Variants in GPHN observed in about 807,000 individuals in gnomAD.
The protein encoded by GPHN is gephyrin.
In GPHN, 17 loss-of-function variants were observed where a neutral mutation model predicts 95.5. The observed-to-expected ratio is 0.18, with a 90% CI of 0.12 to 0.27. GPHN has a LOEUF of 0.27. GPHN is among the 10% of genes least tolerant of loss of function. The pLI is 1.00. For synonymous variants in GPHN, 320 were observed against 322.5 expected, an observed-to-expected ratio of 0.99 and a Z score of 0.08; for missense variants, 660 against 978.1, an observed-to-expected ratio of 0.67 and a Z score of 4.34.
intron 2 of GPHN, among the ~76,000 whole-genome samples, chr14:66,744,759 C>T (rs1229820271): frequency 6.6e-6 from 1 of 152,124 alleles, no homozygotes; most frequent in South Asian, 2.1e-4. Flanking sequence ...CTGGATTGGA[C>T]TCTGTGTAGA....
intron 18 of GPHN, among the ~76,000 whole-genome samples, chr14:67,149,850 C>A (rs1320706082): frequency 6.6e-6 from 1 of 152,182 alleles, no homozygotes; most frequent in African/African-American, 2.4e-5. Context: ...TGAATCAACA[C>A]ATTCATTAAC....
intron 4 of GPHN, among the ~76,000 whole-genome samples, chr14:66,878,566 A>G (rs529486371): frequency 7.4e-4 from 113 of 152,348 alleles, no homozygotes; most frequent in Non-Finnish European, 1.3e-3. Context: ...ATGAACAGAC[A>G]CTTCTCAAAA....
At chr14:66,727,568 G>T (rs777061572) in intron 2 of GPHN, among the ~76,000 whole-genome samples, 1 of 152,220 alleles carries the variant, frequency 6.6e-6, no homozygotes. Flanking sequence ...TGAAGTACTT[G>T]TTGGGAACTG....
At chr14:67,284,429 TA>T in the GPHN span, among the ~76,000 whole-genome samples, 168 of 92,648 alleles carry the variant, frequency 1.8e-3, 1 homozygote, top group Middle Eastern at 4.5e-3. Context: ...CCCTATCTCT[TA>T]AAAAAAAAAA....
the GPHN span, among the ~76,000 whole-genome samples, chr14:67,257,081 G>C: frequency 6.6e-6 from 1 of 152,028 alleles, no homozygotes; most frequent in Non-Finnish European, 1.5e-5. Flanking sequence ...CCGGTAAGAC[G>C]GAACAACTTG....
chr14:67,733,133 TAAAAAAAACAA>T, the GPHN span, among the ~76,000 whole-genome samples: 2 of 150,852 alleles, frequency 1.3e-5, no homozygotes, highest in Admixed American at 1.3e-4. Flanking sequence ...ATAATAAAAT[TAAAAAAAACAA>T]AAAAAAACAT....
At chr14:66,919,542 A>G (rs986922561) in intron 6 of GPHN, among the ~76,000 whole-genome samples, 1 of 152,198 alleles carries the variant, frequency 6.6e-6, no homozygotes, top group Non-Finnish European at 1.5e-5. Context: ...CTCCCTCCCC[A>G]TAAATTCAAG....
intron 1 of GPHN, among the ~76,000 whole-genome samples, chr14:66,616,536 G>C (rs559262637): frequency 6.6e-6 from 1 of 151,936 alleles, no homozygotes; most frequent in Non-Finnish European, 1.5e-5. Context: ...TTGCTCCCGT[G>C]CCTGGAGATG....
intron 1 of GPHN, among the ~76,000 whole-genome samples, chr14:66,613,463 G>A (rs913525601): frequency 4.6e-5 from 7 of 151,968 alleles, no homozygotes; most frequent in Non-Finnish European, 1.0e-4. Context: ...TGAAAAGGAC[G>A]CTTGTTTACA....
chr14:67,438,927 T>C, the GPHN span, among the ~76,000 whole-genome samples: 1 of 149,238 alleles, frequency 6.7e-6, no homozygotes, highest in Non-Finnish European at 1.5e-5. Flanking sequence ...AGGGTCAAGA[T>C]ACACGGCAGC....
chr14:67,581,791 A>G, the GPHN span: 16 of 382,868 alleles, frequency 4.2e-5, no homozygotes, highest in East Asian at 7.7e-4. Context: ...CCCCTAATCT[A>G]TAACTCCAGG....
chr14:66,615,662 A>G (rs999521150), intron 1 of GPHN, among the ~76,000 whole-genome samples: 2 of 151,792 alleles, frequency 1.3e-5, no homozygotes, highest in African/African-American at 4.8e-5. Flanking sequence ...CCCATTCTGT[A>G]GGTTGCCTAT....
At chr14:67,621,109 G>A in the GPHN span, 6 of 746,564 alleles carry the variant, frequency 8.0e-6, no homozygotes, top group African/African-American at 3.6e-5. Flanking sequence ...TTCCGTCTGC[G>A]GCTTAAGATC....
chr14:67,473,973 C>T, the GPHN span: 1 of 1,539,612 alleles, frequency 6.5e-7, no homozygotes, highest in South Asian at 1.3e-5. This position sits in a 1 kb window ranked among gnomAD's most constrained non-coding sequence, Gnocchi z 6.5. Context: ...CAGGTGAGGG[C>T]CGGGCGCGGT....
At chr14:66,589,573 T>C (rs2061556228) in intron 1 of GPHN, among the ~76,000 whole-genome samples, 2 of 151,000 alleles carry the variant, frequency 1.3e-5, no homozygotes, top group Admixed American at 1.3e-4. Context: ...TTTACATTTT[T>C]ACAAAGAAGG....
the GPHN span, among the ~76,000 whole-genome samples, chr14:67,424,343 C>T: frequency 2.6e-5 from 4 of 151,700 alleles, no homozygotes; most frequent in African/African-American, 9.7e-5. Flanking sequence ...GTGTGCCAGG[C>T]ACAGTGATTC....
At chr14:67,382,435 T>G in the GPHN span, 1 of 1,606,040 alleles carries the variant, frequency 6.2e-7, no homozygotes, top group Non-Finnish European at 8.5e-7. Flanking sequence ...AATTTTTGTC[T>G]TTCTCTTTTA....
chr14:66,915,161 A>T (rs989161665), intron 5 of GPHN, among the ~76,000 whole-genome samples: 2 of 152,212 alleles, frequency 1.3e-5, no homozygotes, highest in Non-Finnish European at 2.9e-5. Flanking sequence ...ATTTCAGAGA[A>T]TAAGAGTGGT....
intron 10 of GPHN, among the ~76,000 whole-genome samples, chr14:67,045,533 GTC>G (rs945974400): frequency 4.0e-5 from 6 of 148,782 alleles, no homozygotes; most frequent in Non-Finnish European, 4.5e-5. Context: ...CTGTGTATTT[GTC>G]TCTCTGTGTG....
Sources: gnomAD v4.1 joint callset for allele counts (sites outside exome capture counted in the v4.1 genomes callset) on GRCh38, gnomAD v4.1.1 for gene constraint, Gnocchi (gnomAD v3.1) non-coding constraint, MANE v1.5 for transcripts, NCBI Gene and HGNC (gene_info 2026-07-23, HGNC 2026-07-21) for gene names.